LINGO2: variants seen among roughly 807,000 people sequenced by gnomAD.
LINGO2 encodes leucine rich repeat and Ig domain containing 2, also known as leucine-rich repeat and immunoglobulin-like domain-containing nogo receptor-interacting protein 2.
LINGO2 carries 14 observed loss-of-function variants against 30.6 expected under a neutral mutation model. The ratio of observed to expected loss-of-function variants is 0.46; its 90% CI spans 0.30 to 0.72. The LOEUF (loss-of-function observed/expected upper bound fraction) is 0.72. Among genes scored for constraint, LINGO2 ranks in the 30% least tolerant of loss-of-function variants. LINGO2 has a pLI of 0.07. For missense variants in LINGO2, 729 were observed against 751.7 expected (o/e 0.97, Z 0.35); for synonymous variants, 317 against 288.5 (o/e 1.10, Z -1.00).
At chr9:28,722,523 T>G in the LINGO2 span, among the ~76,000 whole-genome samples, 1 of 152,104 alleles carries the variant, frequency 6.6e-6, no homozygotes, top group Non-Finnish European at 1.5e-5. Flanking sequence ...TTCTTTTTAC[T>G]AAGTGACTTA....
chr9:28,933,434 CCAAA>C, the LINGO2 span, among the ~76,000 whole-genome samples: 2 of 152,122 alleles, frequency 1.3e-5, no homozygotes, highest in Non-Finnish European at 2.9e-5. Flanking sequence ...TAGCCATTTT[CCAAA>C]CATATTTTTT....
At chr9:28,306,504 T>C (rs1824363590) in intron 3 of LINGO2, among the ~76,000 whole-genome samples, 2 of 151,522 alleles carry the variant, frequency 1.3e-5, no homozygotes, top group South Asian at 4.2e-4. Context: ...CACCCTAACA[T>C]CACAATTAAA....
chr9:28,168,837 T>C (rs1313605607), intron 4 of LINGO2, among the ~76,000 whole-genome samples: 1 of 152,244 alleles, frequency 6.6e-6, no homozygotes, highest in Non-Finnish European at 1.5e-5. Flanking sequence ...TTTCACACAA[T>C]GGGAGTTGTA....
intron 4 of LINGO2, among the ~76,000 whole-genome samples, chr9:28,040,091 A>AT (rs1375956705): frequency 6.6e-6 from 1 of 152,190 alleles, no homozygotes; most frequent in African/African-American, 2.4e-5. Flanking sequence ...CTTTCACTGC[A>AT]TTTTGACTAT....
At chr9:28,655,095 C>A (rs774669851) in intron 1 of LINGO2, among the ~76,000 whole-genome samples, 3 of 152,016 alleles carry the variant, frequency 2.0e-5, no homozygotes, top group Non-Finnish European at 4.4e-5. Flanking sequence ...CAAATCTCAT[C>A]CTGAAGGTGA....
chr9:28,780,262 A>G, the LINGO2 span, among the ~76,000 whole-genome samples: 1 of 152,150 alleles, frequency 6.6e-6, no homozygotes, highest in Non-Finnish European at 1.5e-5. Flanking sequence ...ATAGCGCATA[A>G]TATCAGTTAA....
intron 1 of LINGO2, among the ~76,000 whole-genome samples, chr9:28,522,696 C>A (rs1820870653): frequency 6.6e-6 from 1 of 151,984 alleles, no homozygotes; most frequent in African/African-American, 2.4e-5. Flanking sequence ...AAGAGCAGCA[C>A]AAATTCATTG....
the LINGO2 span, among the ~76,000 whole-genome samples, chr9:29,009,782 C>G: frequency 6.6e-6 from 1 of 152,132 alleles, no homozygotes; most frequent in Non-Finnish European, 1.5e-5. Context: ...TCAAACTATA[C>G]TACAAGGCTA....
At chr9:28,536,733 A>G (rs969186829) in intron 1 of LINGO2, among the ~76,000 whole-genome samples, 3 of 152,134 alleles carry the variant, frequency 2.0e-5, no homozygotes, top group African/African-American at 7.2e-5. Context: ...TGAACAGACC[A>G]TATACCAGAA....
intron 4 of LINGO2, among the ~76,000 whole-genome samples, chr9:28,070,202 A>G (rs978097238): frequency 6.6e-6 from 1 of 152,146 alleles, no homozygotes; most frequent in Non-Finnish European, 1.5e-5. Context: ...ACAACTGCAT[A>G]TACACATTCC....
At chr9:29,198,456 T>C in the LINGO2 span, among the ~76,000 whole-genome samples, 1 of 152,100 alleles carries the variant, frequency 6.6e-6, no homozygotes, top group Non-Finnish European at 1.5e-5. Context: ...CACCTCAAAC[T>C]TTGAAGAAAC....
At chr9:28,665,188 T>C (rs1828751854) in intron 1 of LINGO2, among the ~76,000 whole-genome samples, 2 of 151,838 alleles carry the variant, frequency 1.3e-5, no homozygotes, top group African/African-American at 2.4e-5. Flanking sequence ...ATCAAGAGTG[T>C]TAATCTTCAG....
the LINGO2 span, among the ~76,000 whole-genome samples, chr9:29,183,089 T>C: frequency 6.6e-6 from 1 of 152,124 alleles, no homozygotes; most frequent in Admixed American, 6.5e-5. Flanking sequence ...ATGCTCATAT[T>C]ACCAGAAAGA....
At chr9:28,625,551 G>T (rs2135848283) in intron 1 of LINGO2, among the ~76,000 whole-genome samples, 1 of 152,216 alleles carries the variant, frequency 6.6e-6, no homozygotes, top group South Asian at 2.1e-4. Flanking sequence ...TGAGGCTTCT[G>T]TTTGGCCATC....
chr9:28,728,620 G>GA, the LINGO2 span, among the ~76,000 whole-genome samples: 1 of 151,918 alleles, frequency 6.6e-6, no homozygotes, highest in African/African-American at 2.4e-5. Context: ...ATAATGGACG[G>GA]AAAAAAACAT....
At chr9:28,875,597 C>T in the LINGO2 span, among the ~76,000 whole-genome samples, 1 of 152,030 alleles carries the variant, frequency 6.6e-6, no homozygotes, top group African/African-American at 2.4e-5. Flanking sequence ...CCCTTTATTA[C>T]CATTAACCTA....
At chr9:28,567,702 T>G (rs1356515462) in intron 1 of LINGO2, among the ~76,000 whole-genome samples, 2 of 151,932 alleles carry the variant, frequency 1.3e-5, no homozygotes. Context: ...GGTACTATGT[T>G]CCTATTTGGG....
At chr9:28,963,355 G>T in the LINGO2 span, among the ~76,000 whole-genome samples, 3 of 151,894 alleles carry the variant, frequency 2.0e-5, no homozygotes, top group African/African-American at 7.2e-5. Context: ...GATAAGAAAA[G>T]ATAAGTTTCC....
chr9:28,827,737 T>C, the LINGO2 span, among the ~76,000 whole-genome samples: 1 of 152,090 alleles, frequency 6.6e-6, no homozygotes, highest in South Asian at 2.1e-4. Context: ...CAGTGACAAA[T>C]TAAAAAGTTC....
Sources: allele counts gnomAD v4.1 joint callset (sites outside exome capture counted in the v4.1 genomes callset), GRCh38; gene constraint gnomAD v4.1.1; transcripts MANE v1.5; gene names NCBI Gene and HGNC (gene_info 2026-07-23, HGNC 2026-07-21).